PTPRD: variants seen among roughly 807,000 people sequenced by gnomAD.
The protein encoded by PTPRD is receptor-type tyrosine-protein phosphatase delta.
In PTPRD, 34 loss-of-function variants were observed where a neutral mutation model predicts 214.5. That is an observed-to-expected ratio of 0.16 (90% CI 0.12 to 0.21). The LOEUF (loss-of-function observed/expected upper bound fraction) is 0.21. Ranked by LOEUF, PTPRD falls within the 10% of genes least tolerant of loss-of-function variation. The pLI is 1.00. For synonymous variants in PTPRD, 1,128 were observed against 845.7 expected (o/e 1.33, Z -5.79); for missense variants, 2,545 against 2,398.7 (o/e 1.06, Z -1.27).
At chr9:8,960,500 A>T (rs1255337238) in intron 11 of PTPRD, among the ~76,000 whole-genome samples, 3 of 152,128 alleles carry the variant, frequency 2.0e-5, no homozygotes, top group Admixed American at 6.6e-5. Context: ...GTACCCAGAA[A>T]TCTGACATCC....
intron 7 of PTPRD, among the ~76,000 whole-genome samples, chr9:9,649,928 T>A (rs533413980): frequency 6.6e-6 from 1 of 152,208 alleles, no homozygotes; most frequent in African/African-American, 2.4e-5. Flanking sequence ...AGAAATGTGA[T>A]AGTATACTGT....
At position 9,887,397 on chromosome 9, in the gene PTPRD, T is replaced by C. The variant is rs569602805; in HGVS notation, c.-368+51110A>G. Among the ~76,000 whole-genome samples the C allele has an allele frequency of 8.5e-5, 13 of 152,200 alleles. No individual in the cohort carries two copies. The South Asian group carries it at 2.7e-3, about 32-fold the overall frequency. On this transcript the variant is annotated intron_variant, in intron 5 of 45. Coordinates refer to ENST00000381196, the MANE Select transcript of PTPRD (RefSeq NM_002839.4). ...CAAGTTTTGTCTCCTGCAGTGAAAA[T>C]GCAAAGGATACATATAGTCATGTGT...
intron 3 of PTPRD, among the ~76,000 whole-genome samples, chr9:10,142,438 AACAACT>A (rs2098992524): frequency 6.7e-6 from 1 of 149,240 alleles, no homozygotes; most frequent in African/African-American, 2.4e-5. Context: ...GAAAAAAACA[AACAACT>A]CCATCAAAAA....
At chr9:9,984,001 GATATCGAAGTAAAACAAA>G (rs2095627034) in intron 4 of PTPRD, among the ~76,000 whole-genome samples, 1 of 151,964 alleles carries the variant, frequency 6.6e-6, no homozygotes, top group African/African-American at 2.4e-5. Context: ...TTGAAGATCA[GATATCGAAGTAAAACAAA>G]AAAATTGAGA....
chr9:9,783,115 T>C (rs1184117114), intron 5 of PTPRD, among the ~76,000 whole-genome samples: 1 of 152,220 alleles, frequency 6.6e-6, no homozygotes, highest in African/African-American at 2.4e-5. Context: ...AAAAAAAGAC[T>C]AATGTTGAAA....
intron 3 of PTPRD, among the ~76,000 whole-genome samples, chr9:10,285,756 G>A (rs573752420): frequency 1.3e-5 from 2 of 151,860 alleles, no homozygotes; most frequent in Admixed American, 6.6e-5. Flanking sequence ...GATTACAGGC[G>A]CCTGCCACCA....
Position 9,260,564 on chromosome 9 carries a change from C to A in PTPRD, c.-202-77201G>T, listed in dbSNP as rs374335475. Among the ~76,000 whole-genome samples the A allele has an allele frequency of 4.0e-4, 61 of 151,748 alleles. 2 individuals are homozygous for A. In the South Asian group the frequency reaches 0.011, roughly 26 times the overall value. ...CCTTTTTTCATTCCCTCTCAATTTT[C>A]TCATTTTCTAATTTGCATTTGAAAG... is the stretch of plus-strand genomic sequence containing the variant. On this transcript the variant is annotated intron_variant, in intron 9 of 45. Transcript: ENST00000381196.
intron 12 of PTPRD, among the ~76,000 whole-genome samples, chr9:8,719,427 G>T (rs1275057331): frequency 2.0e-5 from 3 of 152,162 alleles, no homozygotes; most frequent in African/African-American, 7.2e-5. Flanking sequence ...TGATAAAGGA[G>T]GCTAATCAAA....
intron 4 of PTPRD, among the ~76,000 whole-genome samples, chr9:9,984,911 G>T (rs146560180): frequency 2.0e-5 from 3 of 152,100 alleles, no homozygotes; most frequent in Non-Finnish European, 4.4e-5. Context: ...AAAAACCAAA[G>T]GGGAGTGCCT....
At chr9:10,398,399 C>CTA (rs143811827) in intron 2 of PTPRD, among the ~76,000 whole-genome samples, 6,954 of 151,522 alleles carry the variant, frequency 0.046, 249 homozygotes, top group South Asian at 0.14. Flanking sequence ...CTACCTATAT[C>CTA]TATATATATA....
intron 11 of PTPRD, among the ~76,000 whole-genome samples, chr9:8,916,735 G>C (rs1042321244): frequency 1.5e-4 from 23 of 152,164 alleles, no homozygotes; most frequent in African/African-American, 5.1e-4. Context: ...TTGAATGCCT[G>C]ACATCATTCC....
chr9:10,583,173 GCA>G (rs2072610150), intron 2 of PTPRD, among the ~76,000 whole-genome samples: 1 of 152,162 alleles, frequency 6.6e-6, no homozygotes. Flanking sequence ...GTATCCCAAT[GCA>G]GAAGTTTCAG....
intron 4 of PTPRD, among the ~76,000 whole-genome samples, chr9:9,947,490 ATTATATATATT>A (rs1253858991): frequency 5.6e-4 from 15 of 26,610 alleles, no homozygotes; most frequent in Non-Finnish European, 9.3e-4. Flanking sequence ...TTTTATATAT[ATTATATATATT>A]TTATATATAT....
intron 10 of PTPRD, among the ~76,000 whole-genome samples, chr9:9,132,444 T>C (rs2154475275): frequency 6.6e-6 from 1 of 152,338 alleles, no homozygotes; most frequent in South Asian, 2.1e-4. Context: ...TACAACATTT[T>C]ATGCATTGAA....
chr9:9,133,613 T>G (rs1456158950), intron 10 of PTPRD, among the ~76,000 whole-genome samples: 2 of 152,112 alleles, frequency 1.3e-5, no homozygotes, highest in African/African-American at 4.8e-5. Flanking sequence ...TACATAGGGA[T>G]TTTAGATGTG....
At chr9:10,179,899 C>G (rs555418979) in intron 3 of PTPRD, among the ~76,000 whole-genome samples, 1 of 151,950 alleles carries the variant, frequency 6.6e-6, no homozygotes, top group East Asian at 1.9e-4. Context: ...TTTTATTTAG[C>G]TAGCAAAATT....
At chr9:8,993,674 G>T (rs1016344155) in intron 11 of PTPRD, among the ~76,000 whole-genome samples, 4 of 152,010 alleles carry the variant, frequency 2.6e-5, no homozygotes, top group African/African-American at 7.2e-5. Context: ...TAGAATTTTT[G>T]AGTTCAGTTC....
intron 11 of PTPRD, among the ~76,000 whole-genome samples, chr9:8,968,390 A>G (rs1025062686): frequency 6.6e-6 from 1 of 151,536 alleles, no homozygotes; most frequent in Non-Finnish European, 1.5e-5. Flanking sequence ...AAGTGTTCCT[A>G]TTTCTCCACA....
intron 6 of PTPRD, among the ~76,000 whole-genome samples, chr9:9,735,707 A>G (rs917516863): frequency 1.3e-5 from 2 of 152,126 alleles, no homozygotes; most frequent in African/African-American, 4.8e-5. Context: ...TCATATTATT[A>G]GAGACCTTAC....
Sources: gnomAD v4.1 joint callset for allele counts (sites outside exome capture counted in the v4.1 genomes callset) on GRCh38, gnomAD v4.1.1 for gene constraint, MANE v1.5 for transcripts, NCBI Gene and HGNC (gene_info 2026-07-23, HGNC 2026-07-21) for gene names.